Variants in NIM1K observed in about 807,000 individuals in gnomAD.
NIM1K encodes the protein serine/threonine-protein kinase NIM1.
NIM1K carries 35 observed loss-of-function variants against 37.1 expected under a neutral mutation model. The observed-to-expected ratio is 0.94, with a 90% CI of 0.72 to 1.25. NIM1K has a LOEUF of 1.25. Among genes scored for constraint, NIM1K ranks in the 50% most tolerant of loss-of-function variants. The probability of loss-of-function intolerance (pLI) is 0.00; values close to 1 mark genes in which losing one functional copy is unlikely to be tolerated. For missense variants in NIM1K, 564 were observed against 548.0 expected, an observed-to-expected ratio of 1.03 and a Z score of -0.29; for synonymous variants, 234 against 206.6, an observed-to-expected ratio of 1.13 and a Z score of -1.14.
chr5:43,272,771 A>C (rs1753276592), intron 2 of NIM1K, among the ~76,000 whole-genome samples: 1 of 152,050 alleles, frequency 6.6e-6, no homozygotes. Flanking sequence ...ATTTTGCATA[A>C]AGTTTCAGAT....
chr5:43,217,785 G>A (rs1179250358), intron 1 of NIM1K, among the ~76,000 whole-genome samples: 1 of 143,326 alleles, frequency 7.0e-6, no homozygotes, highest in Non-Finnish European at 1.5e-5. Flanking sequence ...CACTATCTTG[G>A]CTCACTGCAA....
chr5:43,218,842 C>A (rs1752344206), intron 1 of NIM1K, among the ~76,000 whole-genome samples: 3 of 151,844 alleles, frequency 2.0e-5, no homozygotes, highest in Admixed American at 2.0e-4. Context: ...AGTGCCCCCA[C>A]TCCACCCACC....
chr5:43,203,469 G>A (rs1473136202), intron 1 of NIM1K, among the ~76,000 whole-genome samples: 1 of 152,126 alleles, frequency 6.6e-6, no homozygotes, highest in African/African-American at 2.4e-5. Flanking sequence ...GGCTGTTTTT[G>A]TACCTCACTT....
At chr5:43,279,885 C>T (rs1753410041) in intron 3 of NIM1K, 95 bp from the exon 4 acceptor site, 2 of 1,002,404 alleles carry the variant, frequency 2.0e-6, no homozygotes, top group Non-Finnish European at 3.0e-6. Context: ...TTTGTTATTC[C>T]ACCATCATTA....
intron 3 of NIM1K, among the ~76,000 whole-genome samples, chr5:43,277,606 T>C (rs1288522339): frequency 2.6e-5 from 4 of 152,048 alleles, no homozygotes; most frequent in African/African-American, 9.7e-5. Flanking sequence ...GCCATACCCA[T>C]TTCTCCAACC....
chr5:43,261,069 A>C (rs1037754057), intron 2 of NIM1K, among the ~76,000 whole-genome samples: 4 of 152,214 alleles, frequency 2.6e-5, no homozygotes, highest in African/African-American at 9.6e-5. Flanking sequence ...CACAATAAAC[A>C]TACGTGTGCA....
At chr5:43,258,998 G>A (rs1039160987) in intron 2 of NIM1K, among the ~76,000 whole-genome samples, 8 of 139,336 alleles carry the variant, frequency 5.7e-5, no homozygotes, top group African/African-American at 1.9e-4. Context: ...TTCTAAGTAA[G>A]AACATACAGT....
intron 2 of NIM1K, among the ~76,000 whole-genome samples, chr5:43,253,377 G>A (rs1752898119): frequency 6.6e-6 from 1 of 151,636 alleles, no homozygotes; most frequent in Admixed American, 6.6e-5. Flanking sequence ...GATCCAGGAA[G>A]GGTCTATTGA....
At chr5:43,196,278 A>T (rs1751912740) in intron 1 of NIM1K, among the ~76,000 whole-genome samples, 2 of 152,186 alleles carry the variant, frequency 1.3e-5, no homozygotes, top group Non-Finnish European at 1.5e-5. Flanking sequence ...ACTTTAAAAA[A>T]TTGTTCAAAT....
In NIM1K at chr5:43,280,646, G is replaced by A; in HGVS notation, c.1228G>A (p.Asp410Asn). 1.2e-6 allele frequency: 2 copies of A among 1,614,012 alleles called. No homozygotes were observed. Among genetic ancestry groups the A allele is most frequent in the Non-Finnish European group, 1.7e-6 (2 of 1,180,014 alleles). Reference sequence around the variant, plus strand: ...AAGTGTCCCAGTCATGATGCTACCAGACCCTAAAGAAAGAGACCTCAAAAA... The same window carrying A: ...AAGTGTCCCAGTCATGATGCTACCAAACCCTAAAGAAAGAGACCTCAAAAA... Reference protein sequence around the residue: ...LESVPVMMLPDPKERDLKKGS... With the variant: ...LESVPVMMLPNPKERDLKKGS... The change falls in exon 4 of 4, where the codon GAC becomes AAC. Residue 410 changes from aspartate to asparagine, a missense_variant. By Grantham distance (23) the Asp-to-Asn change is conservative (BLOSUM62 1). Transcript: ENST00000326035.
chr5:43,273,541 C>A (rs1001071062), intron 2 of NIM1K, among the ~76,000 whole-genome samples: 2 of 152,180 alleles, frequency 1.3e-5, no homozygotes, highest in Non-Finnish European at 2.9e-5. Flanking sequence ...ACTCAGATTA[C>A]AACCCTTTTT....
intron 1 of NIM1K, among the ~76,000 whole-genome samples, chr5:43,204,538 C>T (rs1752080697): frequency 1.3e-5 from 2 of 149,998 alleles, no homozygotes; most frequent in Middle Eastern, 7.1e-3. Context: ...CCCGTCTCTA[C>T]TAAAAAAATA....
At chr5:43,197,372 T>C (rs1485479102) in intron 1 of NIM1K, among the ~76,000 whole-genome samples, 1 of 151,836 alleles carries the variant, frequency 6.6e-6, no homozygotes, top group African/African-American at 2.4e-5. Context: ...CTTGAACTCC[T>C]GGCCTCAAGC....
chr5:43,198,257 T>G (rs1579951202), intron 1 of NIM1K, among the ~76,000 whole-genome samples: 1 of 145,106 alleles, frequency 6.9e-6, no homozygotes, highest in Admixed American at 7.0e-5. Context: ...TTTCTTTCTT[T>G]CCTTTCTTTC....
rs764363526 is a variant in NIM1K at position 43,280,098 on chromosome 5, T to G, written c.680T>G (p.Leu227Arg). 7.4e-6 allele frequency: 12 copies of G among 1,614,228 alleles called. No individual in the cohort carries two copies. In the South Asian group the frequency reaches 1.3e-4, roughly 18 times the overall value. ...FSTVSKKGEM[L>R]NTFCGSPPYA... ...ACAGTAAGCAAAAAAGGTGAAATGC[T>G]GAACACTTTCTGTGGGTCTCCTCCC... Residue 227 changes from leucine to arginine, a missense_variant, in exon 4 of 4, where the codon CTG becomes CGG. Leu to Arg is a moderately radical substitution (Grantham distance 102). Coordinates refer to ENST00000326035, the MANE Select transcript of NIM1K (RefSeq NM_153361.4).
rs776503998 is a variant in NIM1K at position 43,280,540 on chromosome 5, C to G, written c.1122C>G (p.Asn374Lys). ...TTACAGAAGAGCATATTCGAAATAA[C>G]CAAGGGAGAGATGCTCGCAGCTCAA... ...LGITEEHIRNNQGRDARSSIT... is the reference protein window; with the variant it reads ...LGITEEHIRNKQGRDARSSIT... The change falls in exon 4 of 4, where the codon AAC becomes AAG. Residue 374 changes from asparagine to lysine, a missense_variant. By Grantham distance (94) the Asn-to-Lys change is moderately conservative. Transcript: ENST00000326035. 7 of 1,614,062 alleles carry G rather than the reference C, an allele frequency of 4.3e-6. No individual in the cohort carries two copies. The highest frequency in any genetic ancestry group is 5.1e-6 in the Non-Finnish European group (6 of 1,180,002).
At chr5:43,236,683 T>A (rs1752626824) in intron 1 of NIM1K, among the ~76,000 whole-genome samples, 2 of 152,216 alleles carry the variant, frequency 1.3e-5, no homozygotes, top group South Asian at 4.1e-4. Context: ...GTGGCATTGA[T>A]GGCAAAGGGA....
At chr5:43,202,640 G>C (rs1752047272) in intron 1 of NIM1K, among the ~76,000 whole-genome samples, 1 of 152,192 alleles carries the variant, frequency 6.6e-6, no homozygotes, top group Non-Finnish European at 1.5e-5. Context: ...TAAGAAGTAA[G>C]ATTGCAGAGG....
chr5:43,196,525 C>T (rs957872779), intron 1 of NIM1K, among the ~76,000 whole-genome samples: 2 of 151,330 alleles, frequency 1.3e-5, no homozygotes, highest in Non-Finnish European at 2.9e-5. Context: ...GTCCCAGCTA[C>T]TCGGGAGGCT....
Sources: gnomAD v4.1 joint callset for allele counts (sites outside exome capture counted in the v4.1 genomes callset) on GRCh38, gnomAD v4.1.1 for gene constraint, MANE v1.5 for transcripts, NCBI Gene and HGNC (gene_info 2026-07-23, HGNC 2026-07-21) for gene names.